The following ANK2 variants were observed in gnomAD, a reference collection of about 807,000 sequenced individuals.
ANK2 encodes the protein ankyrin 2, also known as ankyrin-2.
In ANK2, 83 loss-of-function variants were observed where a neutral mutation model predicts 360.5. The observed-to-expected ratio is 0.23, with a 90% confidence interval of 0.19 to 0.28. The LOEUF (loss-of-function observed/expected upper bound fraction) is 0.28. Among genes scored for constraint, ANK2 ranks in the 10% least tolerant of loss-of-function variants. The pLI, the probability that ANK2 is intolerant of heterozygous loss-of-function variation, is 1.00. For synonymous variants in ANK2, 1,740 were observed against 1,759.5 expected, an observed-to-expected ratio of 0.99 and a Z score of 0.28; for missense variants, 4,201 against 4,795.7, an observed-to-expected ratio of 0.88 and a Z score of 3.66.
chr4:113,354,969 T>C lies in ANK2; in HGVS notation c.6351T>C (p.Asp2117=). The C allele has an allele frequency of 6.2e-7, 1 of 1,613,908 alleles. No individual in the cohort carries two copies. Among genetic ancestry groups the C allele is most frequent in the Non-Finnish European group, 8.5e-7 (1 of 1,179,936 alleles). ...ESEVPKEKMA[D]EQGDMDLQIS... Reference sequence around the variant, plus strand: ...AAGTGCCCAAAGAAAAGATGGCTGATGAGCAGGGAGACATGGATCTACAGA... The same window carrying C: ...AAGTGCCCAAAGAAAAGATGGCTGACGAGCAGGGAGACATGGATCTACAGA... The change falls in exon 38 of 46, where the codon GAT becomes GAC. Residue 2117 remains aspartate (D), a synonymous_variant. Transcript: ENST00000357077.
At chr4:112,839,546 T>C (rs1446068844) in intron 1 of ANK2, among the ~76,000 whole-genome samples, 2 of 152,218 alleles carry the variant, frequency 1.3e-5, no homozygotes, top group African/African-American at 4.8e-5. Context: ...GTTTTCCTAA[T>C]GTATTAAGGT....
chr4:112,718,522 C>T, the ANK2 span, among the ~76,000 whole-genome samples: 12 of 152,222 alleles, frequency 7.9e-5, no homozygotes, highest in Admixed American at 6.5e-5. Flanking sequence ...CCATGTTGGC[C>T]AGGCTGGTCT....
Position 113,185,248 on chromosome 4 carries a change from TTGGTTCTAGATC to T in ANK2, c.186+10744_186+10755del, listed in dbSNP as rs1373152020. 4.6e-5 allele frequency among the ~76,000 whole-genome samples: 7 copies of T among 151,858 alleles called. No individual in the cohort carries two copies. In the East Asian group the frequency reaches 5.8e-4, roughly 13 times the overall value. ...TAATGGGATTGCTGGGTCAAATGGT[TTGGTTCTAGATC>T]TGGTTCTAGATCCTTGAGGAATTGC... On this transcript the variant is annotated intron_variant, in intron 2 of 45. Transcript: ENST00000357077.
At chr4:112,713,375 G>C in the ANK2 span, among the ~76,000 whole-genome samples, 1 of 152,170 alleles carries the variant, frequency 6.6e-6, no homozygotes, top group Non-Finnish European at 1.5e-5. Context: ...TTCGAGAGCA[G>C]CCTGACCAAC....
At chr4:112,891,116 T>C (rs969210972) in intron 1 of ANK2, among the ~76,000 whole-genome samples, 3 of 152,218 alleles carry the variant, frequency 2.0e-5, no homozygotes, top group Non-Finnish European at 4.4e-5. Context: ...GATTTGGTGT[T>C]TTAAACTCTA....
At chr4:112,778,461 C>T in the ANK2 span, among the ~76,000 whole-genome samples, 1,359 of 152,280 alleles carry the variant, frequency 8.9e-3, 24 homozygotes, top group African/African-American at 0.031. Flanking sequence ...CATGAACCAC[C>T]GCAGCTGGCC....
chr4:113,037,225 T>C (rs1238385527), intron 2 of ANK2, among the ~76,000 whole-genome samples: 2 of 151,996 alleles, frequency 1.3e-5, no homozygotes, highest in South Asian at 2.1e-4. Flanking sequence ...AATACTCTTA[T>C]AATTGGTTAG....
rs2053938787 is a variant in ANK2 at position 113,263,120 on chromosome 4, TGAGGCTGCAGTGAGCCGA to T, written c.1387-1774_1387-1757del. 2.1e-5 allele frequency among the ~76,000 whole-genome samples: 3 copies of T among 140,260 alleles called. No individual in the cohort carries two copies. In the South Asian group the frequency reaches 6.6e-4, roughly 31 times the overall value. The allele number at this position is 140,260 out of a possible 152,430, so 92.0% of individuals were successfully genotyped here. A position where few individuals can be genotyped will look rare whatever the true frequency, so the allele number is the denominator to read the frequency against. On this transcript the variant is annotated intron_variant, in intron 13 of 45. Coordinates refer to ENST00000357077, the MANE Select transcript of ANK2 (RefSeq NM_001148.6). ...GGAGAATCTATTGAACCCGGGAGGC[TGAGGCTGCAGTGAGCCGA>T]GATCATGCCACTGCACTCCAGCCTG... is the stretch of plus-strand genomic sequence containing the variant.
intron 1 of ANK2, among the ~76,000 whole-genome samples, chr4:113,109,296 T>C (rs2094014154): frequency 6.6e-6 from 1 of 152,174 alleles, no homozygotes; most frequent in South Asian, 2.1e-4. Flanking sequence ...TAGATCTGTT[T>C]CTCTCTTTTG....
rs546802011 is a variant in ANK2 at position 113,036,473 on chromosome 4, A to G, written c.21+131959A>G. Among the ~76,000 whole-genome samples, 5 of 151,964 alleles carry G rather than the reference A, an allele frequency of 3.3e-5. No individual in the cohort carries two copies. In the South Asian group the frequency reaches 1.0e-3, roughly 31 times the overall value. On this transcript the variant is annotated intron_variant, in intron 2 of 30. Transcript: ENST00000503271. Reference sequence around the variant, plus strand: ...AATCTGAGTGTGCTGACCTTCAGCCATTGCTTCTGATTGTATACCATAGTG... The same window carrying G: ...AATCTGAGTGTGCTGACCTTCAGCCGTTGCTTCTGATTGTATACCATAGTG...
At chr4:112,958,822 C>G (rs2032915682) in intron 2 of ANK2, among the ~76,000 whole-genome samples, 1 of 149,726 alleles carries the variant, frequency 6.7e-6, no homozygotes, top group East Asian at 2.0e-4. Context: ...TTAAAAAAAT[C>G]TATTTTGGGG....
intron 1 of ANK2, among the ~76,000 whole-genome samples, chr4:112,822,257 A>C (rs1231997662): frequency 4.0e-5 from 6 of 149,056 alleles, no homozygotes; most frequent in Non-Finnish European, 7.4e-5. Flanking sequence ...AAAAAAAAAA[A>C]AAAAACAAAA....
chr4:113,194,732 G>A (rs2098723266), intron 2 of ANK2, among the ~76,000 whole-genome samples: 1 of 152,010 alleles, frequency 6.6e-6, no homozygotes, highest in African/African-American at 2.4e-5. Context: ...GATCTGCAAA[G>A]CCCAATATCT....
chr4:112,818,625 G>T (rs1430755085), intron 1 of ANK2, among the ~76,000 whole-genome samples: 1 of 152,176 alleles, frequency 6.6e-6, no homozygotes, highest in African/African-American at 2.4e-5. Flanking sequence ...GAGGGTGGTG[G>T]CTCTTTTGGT....
At chr4:113,320,367 G>C (rs2085402222) in intron 26 of ANK2, among the ~76,000 whole-genome samples, 1 of 152,076 alleles carries the variant, frequency 6.6e-6, no homozygotes, top group African/African-American at 2.4e-5. Flanking sequence ...AAAAATACTA[G>C]TGCTGGCCAG....
At chr4:112,964,228 T>G (rs1326895090) in intron 2 of ANK2, among the ~76,000 whole-genome samples, 1 of 151,014 alleles carries the variant, frequency 6.6e-6, no homozygotes, top group Non-Finnish European at 1.5e-5. Context: ...ATCCTTTGTG[T>G]CACAAACAAT....
At chr4:112,781,062 T>C in the ANK2 span, among the ~76,000 whole-genome samples, 3 of 152,176 alleles carry the variant, frequency 2.0e-5, no homozygotes, top group African/African-American at 7.2e-5. Flanking sequence ...TGCAGTGGTG[T>C]GATCACAGCT....
At chr4:113,089,914 C>T (rs1372592108) in intron 1 of ANK2, among the ~76,000 whole-genome samples, 1 of 152,158 alleles carries the variant, frequency 6.6e-6, no homozygotes, top group African/African-American at 2.4e-5. Context: ...TTCTTCTAGA[C>T]TTACAGAAGC....
At chr4:112,832,968 A>G (rs956765123) in intron 1 of ANK2, among the ~76,000 whole-genome samples, 2 of 152,216 alleles carry the variant, frequency 1.3e-5, no homozygotes, top group African/African-American at 4.8e-5. Context: ...TAGGTAGCAT[A>G]CTATATGTTA....
Sources: gnomAD v4.1 joint callset for allele counts (sites outside exome capture counted in the v4.1 genomes callset) on GRCh38, gnomAD v4.1.1 for gene constraint, MANE v1.5 for transcripts, NCBI Gene and HGNC (gene_info 2026-07-23, HGNC 2026-07-21) for gene names.